The following ITGB3 variants were observed in gnomAD, a reference collection of about 807,000 sequenced individuals.
The protein encoded by ITGB3 is integrin subunit beta 3.
A neutral mutation model predicts 85.8 loss-of-function variants in ITGB3; 48 were observed. That is an observed-to-expected ratio of 0.56 (90% CI 0.44 to 0.71). The LOEUF (loss-of-function observed/expected upper bound fraction) is 0.71. Among genes scored for constraint, ITGB3 ranks in the 30% least tolerant of loss-of-function variants. The probability of loss-of-function intolerance (pLI) is 0.00; values close to 1 mark genes in which losing one functional copy is unlikely to be tolerated. For synonymous variants in ITGB3, 363 were observed against 395.6 expected, an observed-to-expected ratio of 0.92 and a Z score of 0.98; for missense variants, 861 against 1,019.1, an observed-to-expected ratio of 0.84 and a Z score of 2.11.
Position 47,299,427 on chromosome 17 carries a change from C to T in ITGB3, c.1810C>T (p.Arg604Cys), listed in dbSNP as rs1446324978. ...CAGCAATGGGCTGCTGTGCAGCGGC[C>T]GCGGCAAGTGTGAATGTGGCAGCTG... The part of the protein sequence containing the change: ...MSSNGLLCSG[R>C]GKCECGSCVC... Residue 604 changes from arginine to cysteine, a missense_variant, in exon 11 of 15, where the codon CGC (arginine) becomes TGC (cysteine). Coordinates refer to ENST00000559488, the MANE Select transcript of ITGB3 (RefSeq NM_000212.3). This position sits in a 1 kb window ranked among gnomAD's most constrained non-coding sequence, Gnocchi z 5.1. The T allele has an allele frequency of 4.3e-6, 7 of 1,614,228 alleles. No individual in the cohort carries two copies. Among genetic ancestry groups the T allele is most frequent in the African/African-American group, 1.3e-5 (1 of 75,062 alleles).
chr17:47,281,345 C>T (rs1350325436), intron 2 of ITGB3, among the ~76,000 whole-genome samples: 2 of 152,144 alleles, frequency 1.3e-5, no homozygotes, highest in African/African-American at 4.8e-5. Flanking sequence ...CTGGTCCCCT[C>T]AACTTGGTAA....
chr17:47,288,872 G>GGT (rs748787082), intron 6 of ITGB3, among the ~76,000 whole-genome samples: 27 of 152,308 alleles, frequency 1.8e-4, no homozygotes, highest in Non-Finnish European at 3.1e-4. Context: ...GTGCCAAATG[G>GGT]GTGTGGCACA....
chr17:47,283,309 C>CAT (rs760939945), intron 2 of ITGB3, 45 bp from the exon 3 acceptor site: 1 of 1,599,434 alleles, frequency 6.3e-7, no homozygotes, highest in Admixed American at 1.7e-5. Context: ...AGAGAGTCGC[C>CAT]ATAGCTCTGA....
rs2065211757 is a variant in ITGB3, at chr17:47,310,861, A to G, written c.*657A>G. On this transcript the variant is annotated 3_prime_UTR_variant, in exon 15 of 15. Coordinates refer to ENST00000559488, the MANE Select transcript of ITGB3 (RefSeq NM_000212.3). The stretch of plus-strand genomic sequence containing the variant: ...TTCTCTCGCAAGGGAAGTCCTTGCA[A>G]GCTAATTCTTTGACCTGTTGGGAGT... The G allele has an allele frequency of 6.1e-6, 1 of 163,398 alleles. No individual in the cohort carries two copies. Among genetic ancestry groups the G allele is most frequent in the African/African-American group, 2.4e-5 (1 of 41,692 alleles). The allele number at this position is 163,398 out of a possible 1,614,324, so 10.1% of individuals were successfully genotyped here.
chr17:47,276,380 A>G (rs2065064108), intron 2 of ITGB3, among the ~76,000 whole-genome samples: 1 of 152,136 alleles, frequency 6.6e-6, no homozygotes. Context: ...AATGTAGAAT[A>G]TTTATGGGTG....
chr17:47,290,084 T>C, intron 7 of ITGB3, 101 bp from the exon 8 acceptor site: 1 of 910,448 alleles, frequency 1.1e-6, no homozygotes, highest in Non-Finnish European at 1.9e-6. Flanking sequence ...CGTACCTTCC[T>C]CCAATCTTCA....
chr17:47,281,870 G>C (rs1391566036), intron 2 of ITGB3, among the ~76,000 whole-genome samples: 1 of 152,146 alleles, frequency 6.6e-6, no homozygotes, highest in Non-Finnish European at 1.5e-5. Flanking sequence ...TCCCTGTGAG[G>C]GAGGTACCAT....
At chr17:47,268,065 C>A (rs1249571777) in intron 1 of ITGB3, among the ~76,000 whole-genome samples, 1 of 152,068 alleles carries the variant, frequency 6.6e-6, no homozygotes, top group East Asian at 1.9e-4. Context: ...GGAGAAAAGC[C>A]CCTTATAAAA....
chr17:47,306,240 C>G (rs1178060273), intron 13 of ITGB3, among the ~76,000 whole-genome samples: 1 of 152,296 alleles, frequency 6.6e-6, no homozygotes, highest in East Asian at 1.9e-4. Flanking sequence ...AACTGCTGCT[C>G]TGCAGGAATA....
At chr17:47,301,516 C>T (rs1236268223) in intron 12 of ITGB3, among the ~76,000 whole-genome samples, 1 of 152,082 alleles carries the variant, frequency 6.6e-6, no homozygotes, top group Non-Finnish European at 1.5e-5. Context: ...GGAGATTAGG[C>T]TTGCTATGAT....
rs143554046 is a variant in ITGB3, at chr17:47,298,748, G to A, written c.1691-560G>A. On this transcript the variant is annotated intron_variant, in intron 10 of 14. Transcript: ENST00000559488. ...AACCCAACTGGGTGGCCACGATGAC[G>A]ACAATGGTAGTAGGCCTCTCAGGTC... Among the ~76,000 whole-genome samples, 296 of 152,294 alleles carry A rather than the reference G, an allele frequency of 1.9e-3. 2 individuals are homozygous for A. Among genetic ancestry groups the A allele is most frequent in the African/African-American group, 6.6e-3 (275 of 41,570 alleles).
intron 10 of ITGB3, among the ~76,000 whole-genome samples, chr17:47,294,056 A>G (rs1440190946): frequency 6.6e-6 from 1 of 152,194 alleles, no homozygotes; most frequent in African/African-American, 2.4e-5. Flanking sequence ...TTTATTATCT[A>G]CGACATTGTT....
intron 1 of ITGB3, among the ~76,000 whole-genome samples, chr17:47,260,122 T>G (rs2149059272): frequency 6.6e-6 from 1 of 152,276 alleles, no homozygotes; most frequent in East Asian, 1.9e-4. Context: ...TATATAGTAC[T>G]TCCTTTTATA....
chr17:47,259,470 C>T (rs1402686703), intron 1 of ITGB3: 2 of 152,186 alleles, frequency 1.3e-5, no homozygotes, highest in Non-Finnish European at 2.9e-5. Flanking sequence ...AGACTATTTA[C>T]TTACCCCCCT....
chr17:47,302,974 G>A, intron 13 of ITGB3, 134 bp downstream of exon 13: 2 of 1,047,924 alleles, frequency 1.9e-6, no homozygotes, highest in Admixed American at 4.1e-5. Flanking sequence ...GGGGCCAGGT[G>A]TGGTGGTTAA....
chr17:47,291,979 C>T (rs1221266464), intron 9 of ITGB3, among the ~76,000 whole-genome samples, 160 bp from the exon 10 acceptor site: 3 of 152,196 alleles, frequency 2.0e-5, no homozygotes, highest in Non-Finnish European at 4.4e-5. Context: ...GCTTTGCAGA[C>T]CTTCATATAG....
At chr17:47,288,817 G>A (rs2065114214) in intron 6 of ITGB3, among the ~76,000 whole-genome samples, 1 of 152,216 alleles carries the variant, frequency 6.6e-6, no homozygotes, top group Admixed American at 6.5e-5. Context: ...GTCTACTTGA[G>A]GAGAAAGGAT....
At chr17:47,271,768 C>T (rs147838865) in intron 1 of ITGB3, among the ~76,000 whole-genome samples, 155 of 152,274 alleles carry the variant, frequency 1.0e-3, no homozygotes, top group African/African-American at 3.6e-3. Flanking sequence ...TATTTTGAGA[C>T]AGAGTCTTGC....
chr17:47,262,585 A>G (rs2143036779), intron 1 of ITGB3, among the ~76,000 whole-genome samples: 2 of 152,264 alleles, frequency 1.3e-5, no homozygotes, highest in East Asian at 3.9e-4. Flanking sequence ...AGATCATCAA[A>G]TTTGACACCT....
Sources: gnomAD v4.1 joint callset for allele counts (sites outside exome capture counted in the v4.1 genomes callset) on GRCh38, gnomAD v4.1.1 for gene constraint, Gnocchi (gnomAD v3.1) non-coding constraint, MANE v1.5 for transcripts, NCBI Gene and HGNC (gene_info 2026-07-23, HGNC 2026-07-21) for gene names.